Variants in ITGA2B observed in about 807,000 individuals in gnomAD.
ITGA2B encodes the protein integrin alpha-IIb.
ITGA2B carries 91 observed loss-of-function variants against 142.0 expected under a neutral mutation model. The ratio of observed to expected loss-of-function variants is 0.64; its 90% CI spans 0.54 to 0.76. The LOEUF (loss-of-function observed/expected upper bound fraction) is 0.76, where lower values mean the gene tolerates loss of function less well. Ranked by LOEUF, ITGA2B falls within the 30% of genes least tolerant of loss-of-function variation. ITGA2B has a pLI of 0.00. For synonymous variants in ITGA2B, 536 were observed against 567.2 expected (o/e 0.94, Z 0.78); for missense variants, 1,231 against 1,350.8 (o/e 0.91, Z 1.39).
rs2048652424 is a variant in ITGA2B, at chr17:44,386,731, G to A, written c.189-600C>T. On this transcript the variant is annotated intron_variant, in intron 1 of 29. Coordinates refer to ENST00000262407, the MANE Select transcript of ITGA2B (RefSeq NM_000419.5). The stretch of plus-strand genomic sequence containing the variant: ...AGTAAATGTAATAAATACGAGTAAC[G>A]GTTAGCATGGTCCCAGCCAAATACA... Among the ~76,000 whole-genome samples the A allele has an allele frequency of 2.0e-5, 3 of 152,176 alleles. No individual in the cohort carries two copies. In the South Asian group the frequency reaches 6.2e-4, roughly 32 times the overall value.
Position 44,380,611 on chromosome 17 carries a change from C to A in ITGA2B, c.1428G>T (p.Val476=). ...GAGCCAGTGCTCACCTGTACACAGC[C>A]ACCTGGTTGGCCCCGTAAGCTCCCA... The part of the protein sequence containing the change: ...LIVGAYGANQ[V]AVYRAQPVVK... The change falls in exon 14 of 30, where the codon GTG becomes GTT. Residue 476 remains valine, a synonymous_variant. Coordinates refer to ENST00000262407, the MANE Select transcript of ITGA2B (RefSeq NM_000419.5). The A allele has an allele frequency of 6.2e-7, 1 of 1,614,236 alleles. No individual in the cohort carries two copies. The highest frequency in any genetic ancestry group is 8.5e-7 in the Non-Finnish European group (1 of 1,180,048).
At chr17:44,377,194 TTTTC>T in intron 21 of ITGA2B, 106 bp from the exon 22 acceptor site, 1 of 855,210 alleles carries the variant, frequency 1.2e-6, no homozygotes, top group East Asian at 2.7e-5. Context: ...CCACTATTCT[TTTTC>T]TTTTTTTTTT....
intron 12 of ITGA2B, 133 bp from the exon 13 acceptor site, chr17:44,381,194 A>G: frequency 1.3e-6 from 1 of 786,584 alleles, no homozygotes; most frequent in Non-Finnish European, 2.0e-6. Flanking sequence ...TGAAGGAGGC[A>G]CTGCCCTACC....
rs570618729 is a variant in ITGA2B at position 44,385,893 on chromosome 17, T to A, written c.339A>T (p.Gln113His). ...LRDETRNVGS[Q>H]TLQTFKARQG... is the part of the protein sequence containing the mutation. ...GGCGGGCCTTGAAGGTTTGTAAAGT[T>A]TGGGAGCCTACATTTCGGGTCTCAT... The change falls in exon 3 of 30, where the codon CAA (glutamine) becomes CAT (histidine). Residue 113 changes from glutamine to histidine, a missense_variant. Physicochemically the swap from Gln to His is conservative, Grantham distance 24 (BLOSUM62 0). This residue lies in a region of ITGA2B where 318 missense variants were observed against 312.2 expected (regional missense o/e 1.02). Coordinates refer to ENST00000262407, the MANE Select transcript of ITGA2B (RefSeq NM_000419.5). 1 of 1,611,084 alleles carries A rather than the reference T, an allele frequency of 6.2e-7. No individual in the cohort carries two copies. Among genetic ancestry groups the A allele is most frequent in the Non-Finnish European group, 8.5e-7 (1 of 1,178,588 alleles).
intron 1 of ITGA2B, 111 bp downstream of exon 1, chr17:44,389,175 C>A (rs972921230): frequency 1.4e-4 from 173 of 1,232,790 alleles, no homozygotes; most frequent in Non-Finnish European, 1.9e-4. Flanking sequence ...ATAGGCCCCA[C>A]AAGTCACCTT....
chr17:44,377,794 C>T lies in ITGA2B; in HGVS notation c.2095-4G>A. On this transcript the variant is annotated splice_polypyrimidine_tract_variant and splice_region_variant and intron_variant, in intron 20 of 29. Coordinates refer to ENST00000262407, the MANE Select transcript of ITGA2B (RefSeq NM_000419.5). ...TACAGATGAGTCTCTCAAAGCCCTT[C>T]AGGAAGGCAGTTCCAAGAAAGAAAT... is the stretch of plus-strand genomic sequence containing the variant. The T allele has an allele frequency of 6.2e-7, 1 of 1,602,970 alleles. No homozygotes were observed. The highest frequency in any genetic ancestry group is 8.5e-7 in the Non-Finnish European group (1 of 1,172,030).
In ITGA2B at chr17:44,374,675, G is replaced by T; in HGVS notation, c.2927C>A (p.Pro976His). Residue 976 changes from proline (P) to histidine (H), a missense_variant, in exon 28 of 30, where the codon CCC becomes CAC. Coordinates refer to ENST00000262407, the MANE Select transcript of ITGA2B (RefSeq NM_000419.5). ...LPYAVPPLSLPRGEAQVWTQL... is the reference protein window; with the variant it reads ...LPYAVPPLSLHRGEAQVWTQL... ...CACACTCACCTGAGCTTCCCCTCGG[G>T]GCAGGCTGAGCGGGGGCACCGCATA... is the stretch of plus-strand genomic sequence containing the variant. 6.2e-7 allele frequency: 1 copy of T among 1,613,894 alleles called. No individual in the cohort carries two copies. Among genetic ancestry groups the T allele is most frequent in the Non-Finnish European group, 8.5e-7 (1 of 1,179,846 alleles).
intron 12 of ITGA2B, 45 bp from the exon 13 acceptor site, chr17:44,381,106 T>A: frequency 6.4e-7 from 1 of 1,573,246 alleles, no homozygotes; most frequent in Non-Finnish European, 8.7e-7. Context: ...TTATTCAGCC[T>A]CCCTAGATGA....
chr17:44,385,143 G>A (rs762724640), intron 6 of ITGA2B, 21 bp downstream of exon 6: 22 of 1,614,030 alleles, frequency 1.4e-5, no homozygotes, highest in Non-Finnish European at 1.8e-5. Context: ...AAGGGAGGGA[G>A]GTGTACGGAT....
Position 44,389,524 on chromosome 17 carries a change from T to C in ITGA2B, c.-51A>G. Reference sequence around the variant, plus strand: ...CAGGAATGGGCCAGCTCCTCCTCCTTCCCTTCAGATTCCTCCACAGGAAGT... The same window carrying C: ...CAGGAATGGGCCAGCTCCTCCTCCTCCCCTTCAGATTCCTCCACAGGAAGT... On this transcript the variant is annotated 5_prime_UTR_variant, in exon 1 of 30. Transcript: ENST00000262407. The C allele has an allele frequency of 6.3e-7, 1 of 1,583,060 alleles. No homozygotes were observed. The highest frequency in any genetic ancestry group is 1.7e-5 in the Admixed American group (1 of 58,942).
chr17:44,376,494 A>C (rs1371770246), intron 22 of ITGA2B, 106 bp from the exon 23 acceptor site: 2 of 971,444 alleles, frequency 2.1e-6, no homozygotes, highest in Non-Finnish European at 3.3e-6. Context: ...TAATTATACA[A>C]AGAGCATGCC....
intron 4 of ITGA2B, 39 bp downstream of exon 4, chr17:44,385,512 G>T (rs1453185558): frequency 4.6e-6 from 7 of 1,536,468 alleles, no homozygotes; most frequent in Non-Finnish European, 6.1e-6. Flanking sequence ...GGGCCAAGCC[G>T]TCGCGAGTGG....
Position 44,384,360 on chromosome 17 carries a change from G to C in ITGA2B, c.848-6C>G, listed in dbSNP as rs1190264546. 5 of 1,613,790 alleles carry C rather than the reference G, an allele frequency of 3.1e-6. No homozygotes were observed. Among genetic ancestry groups the C allele is most frequent in the Non-Finnish European group, 4.2e-6 (5 of 1,179,924 alleles). ...GGGGGCACCGACGACATATTCTGGCGATAGGGAGAGCCAGGCTCAGGGAAT... is the reference window on the plus strand; with the variant it reads ...GGGGGCACCGACGACATATTCTGGCCATAGGGAGAGCCAGGCTCAGGGAAT... On this transcript the variant is annotated splice_polypyrimidine_tract_variant and splice_region_variant and intron_variant, in intron 8 of 29. Coordinates refer to ENST00000262407, the MANE Select transcript of ITGA2B (RefSeq NM_000419.5).
rs1170913369 is a variant in ITGA2B, at chr17:44,378,401, G to A, written c.2055C>T (p.Pro685=). Residue 685 remains proline (P), a synonymous_variant, in exon 20 of 30, where the codon CCC becomes CCT. Coordinates refer to ENST00000262407, the MANE Select transcript of ITGA2B (RefSeq NM_000419.5). ...AYEAELAVHL[P]QGAHYMRALS... is the part of the protein sequence containing the mutation. ...GGGCCCGCATGTAGTGGGCGCCCTG[G>A]GGCAGGTGCACGGCCAGCTCTGCTT... 1 of 1,613,470 alleles carries A rather than the reference G, an allele frequency of 6.2e-7. No homozygotes were observed. The highest frequency in any genetic ancestry group is 1.1e-5 in the South Asian group (1 of 90,942).
At chr17:44,373,755 C>T (rs865838952) in intron 29 of ITGA2B, among the ~76,000 whole-genome samples, 9 of 152,188 alleles carry the variant, frequency 5.9e-5, no homozygotes, top group South Asian at 2.1e-4. Flanking sequence ...CCCTCTATAT[C>T]CTCTGAATCT....
At chr17:44,379,947 G>C (rs2048579308) in intron 17 of ITGA2B, 55 bp downstream of exon 17, 5 of 1,612,980 alleles carry the variant, frequency 3.1e-6, no homozygotes, top group Non-Finnish European at 3.4e-6. Context: ...AGATGAACAA[G>C]TCCAGTGGGT....
Position 44,385,654 on chromosome 17 carries a change from G to T in ITGA2B, c.471C>A (p.Pro157=), listed in dbSNP as rs532555454. 3.7e-6 allele frequency: 6 copies of T among 1,613,638 alleles called. No individual in the cohort carries two copies. The Admixed American group carries it at 8.3e-5, about 22-fold the overall frequency. Residue 157 remains proline (P), a synonymous_variant, in exon 4 of 30, where the codon CCC becomes CCA. Transcript: ENST00000262407. ...LEKTEEAEKT[P]VGSCFLAQPE... ...GCTGAGCCAAAAAGCAGCTACCTACGGGCGTCTTCTCAGCCTCCTCAGTCT... is the reference window on the plus strand; with the variant it reads ...GCTGAGCCAAAAAGCAGCTACCTACTGGCGTCTTCTCAGCCTCCTCAGTCT...
At position 44,379,762 on chromosome 17, in the gene ITGA2B, A is replaced by G; in HGVS notation, c.1805T>C (p.Val602Ala). The G allele has an allele frequency of 6.2e-7, 1 of 1,613,842 alleles. No individual in the cohort carries two copies. Among genetic ancestry groups the G allele is most frequent in the African/African-American group, 1.3e-5 (1 of 75,008 alleles). ...TCCAGCCTCCGTGGGCGGTAGGGACACATTGAGGCTGAGCACAATGGGGCT... is the reference window on the plus strand; with the variant it reads ...TCCAGCCTCCGTGGGCGGTAGGGACGCATTGAGGCTGAGCACAATGGGGCT... ...KLSPIVLSLN[V>A]SLPPTEAGMA... The change falls in exon 18 of 30, where the codon GTG becomes GCG. Residue 602 changes from valine (V) to alanine (A), a missense_variant. Physicochemically the swap from Val to Ala is moderately conservative, Grantham distance 64. This residue lies in a region of ITGA2B where 908 missense variants were observed against 1,021.1 expected (regional missense o/e 0.89). Coordinates refer to ENST00000262407, the MANE Select transcript of ITGA2B (RefSeq NM_000419.5).
intron 21 of ITGA2B, among the ~76,000 whole-genome samples, chr17:44,377,474 G>A (rs775396015): frequency 2.6e-5 from 4 of 152,266 alleles, no homozygotes; most frequent in East Asian, 1.9e-4. Flanking sequence ...GATTACAGGC[G>A]TGAGCCACCG....
Sources: gnomAD v4.1 joint callset for allele counts (sites outside exome capture counted in the v4.1 genomes callset) on GRCh38, gnomAD v4.1.1 for gene constraint, gnomAD v4.1.1 regional missense constraint, MANE v1.5 for transcripts, NCBI Gene and HGNC (gene_info 2026-07-23, HGNC 2026-07-21) for gene names.